Variants in TRAPPC3L observed in about 807,000 individuals in gnomAD.
TRAPPC3L encodes trafficking protein particle complex subunit 3-like protein.
TRAPPC3L carries 23 observed loss-of-function variants against 23.7 expected under a neutral mutation model. The ratio of observed to expected loss-of-function variants is 0.97; its 90% CI spans 0.70 to 1.37. The LOEUF (loss-of-function observed/expected upper bound fraction) is 1.37. Ranked by LOEUF, TRAPPC3L falls within the 40% of genes most tolerant of loss-of-function variation. TRAPPC3L has a pLI of 0.00. For missense variants in TRAPPC3L, 212 were observed against 216.8 expected, an observed-to-expected ratio of 0.98 and a Z score of 0.14; for synonymous variants, 81 against 77.9, an observed-to-expected ratio of 1.04 and a Z score of -0.21.
At chr6:116,519,416 C>T (rs2281590) in intron 3 of TRAPPC3L, 57,305 of 151,968 alleles carry the variant, frequency 0.38, 12,455 homozygotes, top group East Asian at 0.54. Flanking sequence ...GAGCATTCCC[C>T]AGAAAACTCC....
intron 3 of TRAPPC3L, among the ~76,000 whole-genome samples, chr6:116,502,803 T>C (rs530826683): frequency 6.6e-6 from 1 of 152,098 alleles, no homozygotes; most frequent in Non-Finnish European, 1.5e-5. Context: ...AGAAATAAAA[T>C]CCTTTTCAGA....
chr6:116,498,218 T>C (rs773501558), intron 4 of TRAPPC3L, among the ~76,000 whole-genome samples: 34 of 152,220 alleles, frequency 2.2e-4, no homozygotes, highest in Non-Finnish European at 4.3e-4. Context: ...CAACTGCTAT[T>C]TATGAGAGTG....
At chr6:116,514,279 G>A (rs1485362831) in intron 3 of TRAPPC3L, among the ~76,000 whole-genome samples, 9 of 152,140 alleles carry the variant, frequency 5.9e-5, no homozygotes, top group Admixed American at 5.2e-4. Flanking sequence ...ATGAGATGGC[G>A]TACAGAAGCC....
chr6:116,545,280 A>T lies in TRAPPC3L; in HGVS notation c.42+193T>A, dbSNP rs1006006122. ...GAAAAGAAGACCTTAAAGTGTGTAT[A>T]AAGAATTGATTATTCTTTATGTAGG... On this transcript the variant is annotated intron_variant, in intron 1 of 4. Transcript: ENST00000368602. Among the ~76,000 whole-genome samples, 16 of 152,094 alleles carry T rather than the reference A, an allele frequency of 1.1e-4. 1 individual carries two copies. Among genetic ancestry groups the T allele is most frequent in the African/African-American group, 3.6e-4 (15 of 41,440 alleles).
At chr6:116,544,351 T>C (rs916088196) in intron 1 of TRAPPC3L, among the ~76,000 whole-genome samples, 1 of 152,094 alleles carries the variant, frequency 6.6e-6, no homozygotes, top group Admixed American at 6.6e-5. Flanking sequence ...GTGGGCACTA[T>C]TATATATTGA....
chr6:116,520,792 G>A (rs930921465), intron 3 of TRAPPC3L: 2 of 152,230 alleles, frequency 1.3e-5, no homozygotes, highest in African/African-American at 4.8e-5. Flanking sequence ...AAACAGTAGA[G>A]TATGATAAAA....
chr6:116,520,707 T>C, intron 3 of TRAPPC3L: 1 of 152,526 alleles, frequency 6.6e-6, no homozygotes, highest in Middle Eastern at 3.2e-3. Flanking sequence ...GAAGAACTAC[T>C]GATTTTATAT....
intron 3 of TRAPPC3L, among the ~76,000 whole-genome samples, chr6:116,505,480 G>T (rs1771987142): frequency 6.6e-6 from 1 of 152,146 alleles, no homozygotes; most frequent in Non-Finnish European, 1.5e-5. Context: ...TCCCCATCAA[G>T]CTACCAATGA....
intron 3 of TRAPPC3L, chr6:116,524,869 A>G (rs1304968841): frequency 6.6e-6 from 1 of 152,160 alleles, no homozygotes; most frequent in Non-Finnish European, 1.5e-5. Context: ...CTATATTCCT[A>G]TTGGAATTTC....
At chr6:116,524,469 T>G (rs1488418002) in intron 3 of TRAPPC3L, 1 of 152,228 alleles carries the variant, frequency 6.6e-6, no homozygotes, top group Non-Finnish European at 1.5e-5. Context: ...GTTGGCCTGT[T>G]CTCGAATTGA....
chr6:116,507,841 T>C (rs889080999), intron 3 of TRAPPC3L, among the ~76,000 whole-genome samples: 1 of 152,232 alleles, frequency 6.6e-6, no homozygotes, highest in South Asian at 2.1e-4. Flanking sequence ...AATTTTACAA[T>C]GTGGAAATGG....
At chr6:116,536,855 C>T (rs1773126981) in intron 3 of TRAPPC3L, among the ~76,000 whole-genome samples, 1 of 152,158 alleles carries the variant, frequency 6.6e-6, no homozygotes, top group East Asian at 1.9e-4. Flanking sequence ...CTCTGTAAAA[C>T]TGACTGTATC....
intron 3 of TRAPPC3L, among the ~76,000 whole-genome samples, chr6:116,537,340 G>A (rs1773163342): frequency 6.6e-6 from 1 of 152,174 alleles, no homozygotes; most frequent in East Asian, 1.9e-4. Flanking sequence ...TCTAATAGGG[G>A]AGAATCAAGC....
intron 3 of TRAPPC3L, chr6:116,518,813 A>T (rs1772275988): frequency 6.6e-6 from 1 of 152,218 alleles, no homozygotes; most frequent in African/African-American, 2.4e-5. Flanking sequence ...TGACTGCCTC[A>T]TTCAAGAAAA....
intron 3 of TRAPPC3L, among the ~76,000 whole-genome samples, chr6:116,530,154 G>A (rs1282114184): frequency 1.3e-5 from 2 of 151,728 alleles, no homozygotes; most frequent in African/African-American, 4.8e-5. Context: ...AATGAAGGAA[G>A]CCAAATATAA....
intron 3 of TRAPPC3L, chr6:116,523,768 A>G (rs949310370): frequency 3.9e-5 from 6 of 152,232 alleles, no homozygotes; most frequent in Non-Finnish European, 8.8e-5. Flanking sequence ...AGTTTATAGG[A>G]AACATAAGCA....
chr6:116,503,769 A>T (rs1763275536), intron 3 of TRAPPC3L, among the ~76,000 whole-genome samples: 1 of 152,208 alleles, frequency 6.6e-6, no homozygotes, highest in African/African-American at 2.4e-5. Flanking sequence ...TGCTCCAATG[A>T]CTACTGTGTA....
intron 3 of TRAPPC3L, among the ~76,000 whole-genome samples, chr6:116,514,721 C>T (rs1772188809): frequency 6.6e-6 from 1 of 152,192 alleles, no homozygotes; most frequent in Non-Finnish European, 1.5e-5. Flanking sequence ...TTGGGAACCA[C>T]TGATTTAAAG....
rs767109731 is a variant in TRAPPC3L, at chr6:116,511,871, G to A, written c.241-11205C>T. 29 of 1,614,034 alleles carry A rather than the reference G, an allele frequency of 1.8e-5. No homozygotes were observed. In the East Asian group the frequency reaches 5.6e-4, roughly 31 times the overall value. Reference sequence around the variant, plus strand: ...TGGGCTGGTTTTCCTCTTTGCTCCTGCCTGGGTGTTACTGATCCTGGGATT... The same window carrying A: ...TGGGCTGGTTTTCCTCTTTGCTCCTACCTGGGTGTTACTGATCCTGGGATT... On this transcript the variant is annotated intron_variant, in intron 3 of 4. Coordinates refer to ENST00000368602, the MANE Select transcript of TRAPPC3L (RefSeq NM_001139444.3).
Sources: gnomAD v4.1 joint callset for allele counts (sites outside exome capture counted in the v4.1 genomes callset) on GRCh38, gnomAD v4.1.1 for gene constraint, MANE v1.5 for transcripts, NCBI Gene and HGNC (gene_info 2026-07-23, HGNC 2026-07-21) for gene names.